The following SH2D3C variants were observed in gnomAD, a reference collection of about 807,000 sequenced individuals.
The protein encoded by SH2D3C is SH2 domain-containing protein 3C.
Under a neutral mutation model 75.2 loss-of-function variants are expected in SH2D3C, and 25 were observed. That is an observed-to-expected ratio of 0.33 (90% CI 0.24 to 0.46). The LOEUF is 0.46. Ranked by LOEUF, SH2D3C falls within the 20% of genes least tolerant of loss-of-function variation. SH2D3C has a pLI of 1.00. For missense variants in SH2D3C, 933 were observed against 1,165.3 expected, an observed-to-expected ratio of 0.80 and a Z score of 2.90; for synonymous variants, 450 against 473.7, an observed-to-expected ratio of 0.95 and a Z score of 0.65.
At chr9:127,750,140 TTTATTATTATTA>T in intron 4 of SH2D3C, among the ~76,000 whole-genome samples, 1 of 150,432 alleles carries the variant, frequency 6.6e-6, no homozygotes, top group South Asian at 2.1e-4. Flanking sequence ...GATGAACTTC[TTTATTATTATTA>T]TTATTGTTAT....
chr9:127,752,648 T>C (rs1041247679), intron 3 of SH2D3C, among the ~76,000 whole-genome samples: 4 of 152,220 alleles, frequency 2.6e-5, no homozygotes, highest in Middle Eastern at 3.4e-3. Flanking sequence ...ACTGCCTGGG[T>C]TTAGCCTAGT....
In SH2D3C at chr9:127,751,208, G is replaced by A; in HGVS notation, c.648C>T (p.Arg216=). ...TGCGGCCATGGTACCAGGCATGGCTGCGGAGATCCGTGCTGCTGAGTTTGA... is the reference window on the plus strand; with the variant it reads ...TGCGGCCATGGTACCAGGCATGGCTACGGAGATCCGTGCTGCTGAGTTTGA... ...EELKLSSTDL[R]SHAWYHGRIP... is the part of the protein sequence containing the mutation. The change falls in exon 4 of 12, where the codon CGC becomes CGT. Residue 216 remains arginine, a synonymous_variant. Transcript: ENST00000314830. This position sits in a 1 kb window ranked among gnomAD's most constrained non-coding sequence, Gnocchi z 4.1. 6.2e-7 allele frequency: 1 copy of A among 1,614,144 alleles called. No individual in the cohort carries two copies. The highest frequency in any genetic ancestry group is 8.5e-7 in the Non-Finnish European group (1 of 1,179,998).
At chr9:127,766,819 C>T in intron 2 of SH2D3C, 1 of 1,012,180 alleles carries the variant, frequency 9.9e-7, no homozygotes, top group Non-Finnish European at 1.4e-6. Flanking sequence ...ATCCACCTGC[C>T]TTGGCCTCCC....
chr9:127,771,251 G>C, intron 2 of SH2D3C: 4 of 1,542,340 alleles, frequency 2.6e-6, no homozygotes, highest in Non-Finnish European at 3.5e-6. Flanking sequence ...TGTCGCCGCC[G>C]GCAACCCGGG....
chr9:127,745,832 G>A (rs1023622542), intron 6 of SH2D3C, among the ~76,000 whole-genome samples: 4 of 152,278 alleles, frequency 2.6e-5, no homozygotes, highest in African/African-American at 9.6e-5. Context: ...AACCTTGTGT[G>A]CTAGGAGCTG....
At chr9:127,771,082 T>A in intron 2 of SH2D3C, 1 of 908,492 alleles carries the variant, frequency 1.1e-6, no homozygotes, top group South Asian at 1.9e-5. Flanking sequence ...TCCCTGATGC[T>A]AACCCCGCCC....
At chr9:127,748,069 T>C (rs1269048319) in intron 5 of SH2D3C, among the ~76,000 whole-genome samples, 1 of 152,156 alleles carries the variant, frequency 6.6e-6, no homozygotes, top group Non-Finnish European at 1.5e-5. Flanking sequence ...TTGTGCAAAT[T>C]AGTCAACTAC....
chr9:127,771,379 T>C (rs1845736723), intron 2 of SH2D3C: 1 of 1,328,638 alleles, frequency 7.5e-7, no homozygotes, highest in South Asian at 1.9e-5. Flanking sequence ...GCCCCTGCGC[T>C]CCTTGCCCGG....
chr9:127,745,157 C>G (rs1588495172), intron 6 of SH2D3C, 58 bp from the exon 7 acceptor site: 2 of 1,384,418 alleles, frequency 1.4e-6, no homozygotes, highest in East Asian at 4.8e-5. Context: ...AAGTGAGATT[C>G]CCGCACCCCT....
Position 127,778,616 on chromosome 9 carries a change from C to T in SH2D3C, c.12G>A (p.Gly4=). The T allele has an allele frequency of 1.2e-6, 2 of 1,613,918 alleles. No homozygotes were observed. The highest frequency in any genetic ancestry group is 1.7e-6 in the Non-Finnish European group (2 of 1,179,780). ...TGAACTTTTTGCTGGTCTTCTTGGT[C>T]CCCTCTGTCATCTTGGCAAATTGTG... is the stretch of plus-strand genomic sequence containing the variant. MTE[G]TKKTSKKFKF... Residue 4 remains glycine (G), a synonymous_variant, in exon 1 of 12, where the codon GGG becomes GGA. Coordinates refer to ENST00000314830, the MANE Select transcript of SH2D3C (RefSeq NM_170600.3).
At chr9:127,758,296 A>G (rs1247854060) in intron 3 of SH2D3C, among the ~76,000 whole-genome samples, 1 of 152,186 alleles carries the variant, frequency 6.6e-6, no homozygotes, top group African/African-American at 2.4e-5. Context: ...TTGAAACTAA[A>G]ATTAACATTC....
intron 5 of SH2D3C, among the ~76,000 whole-genome samples, chr9:127,748,909 G>A (rs1030933623): frequency 1.3e-5 from 2 of 152,188 alleles, no homozygotes; most frequent in Non-Finnish European, 2.9e-5. Flanking sequence ...CTGGGGTAGG[G>A]AGGGCTGCTT....
At chr9:127,762,638 T>C (rs562023210) in intron 2 of SH2D3C, among the ~76,000 whole-genome samples, 37 of 152,252 alleles carry the variant, frequency 2.4e-4, no homozygotes, top group Non-Finnish European at 4.6e-4. Context: ...GTCCACCCCG[T>C]CCCCAAAGTG....
Position 127,751,217 on chromosome 9 carries a change from C to T in SH2D3C, c.639G>A (p.Thr213=), listed in dbSNP as rs138483056. ...GGTACCAGGCATGGCTGCGGAGATC[C>T]GTGCTGCTGAGTTTGAGCTCCTCCT... ...ELEEELKLSS[T]DLRSHAWYHG... The change falls in exon 4 of 12, where the codon ACG becomes ACA. Residue 213 remains threonine, a synonymous_variant. Transcript: ENST00000314830. The surrounding 1 kb of genome is among the most constrained non-coding windows in gnomAD (Gnocchi z 4.1). 12 of 1,614,068 alleles carry T rather than the reference C, an allele frequency of 7.4e-6. No individual in the cohort carries two copies. The African/African-American group carries it at 9.3e-5, about 13-fold the overall frequency.
Position 127,742,211 on chromosome 9 carries a change from TTTTTG to T in SH2D3C, c.1917-257_1917-253del, listed in dbSNP as rs1361044419. Among the ~76,000 whole-genome samples the T allele has an allele frequency of 3.3e-5, 5 of 150,518 alleles. No individual in the cohort carries two copies. In the South Asian group the frequency reaches 8.9e-4, roughly 27 times the overall value. On this transcript the variant is annotated intron_variant, in intron 8 of 11. Coordinates refer to ENST00000314830, the MANE Select transcript of SH2D3C (RefSeq NM_170600.3). Reference sequence around the variant, plus strand: ...AGGGAAATGCATCACGCAGAGTAGTTTTTTGTTTTGTTTTTGTTTGTTTGTTTGTT... The same window carrying T: ...AGGGAAATGCATCACGCAGAGTAGTTTTTTGTTTTTGTTTGTTTGTTTGTT...
At position 127,744,943 on chromosome 9, in the gene SH2D3C, G is replaced by C; in HGVS notation, c.1421C>G (p.Thr474Ser). Residue 474 changes from threonine to serine, a missense_variant, in exon 7 of 12, where the codon ACC (threonine) becomes AGC (serine). Physicochemically the swap from Thr to Ser is moderately conservative, Grantham distance 58. Coordinates refer to ENST00000314830, the MANE Select transcript of SH2D3C (RefSeq NM_170600.3). The part of the protein sequence containing the change: ...DKGPHTSPSH[T>S]LGKASPSPSL... ...TGGTGACGGGGAGGCCTTGCCAAGG[G>C]TGTGGGAGGGGCTGGTGTGGGGGCC... 1.3e-6 allele frequency: 2 copies of C among 1,579,584 alleles called. No homozygotes were observed. Among genetic ancestry groups the C allele is most frequent in the Non-Finnish European group, 1.7e-6 (2 of 1,160,420 alleles).
intron 8 of SH2D3C, 42 bp downstream of exon 8, chr9:127,742,807 C>T (rs1177321968): frequency 1.3e-6 from 2 of 1,504,826 alleles, no homozygotes; most frequent in Admixed American, 1.8e-5. Context: ...GTGCGGTAGC[C>T]GGGGGTTCCC....
intron 3 of SH2D3C, among the ~76,000 whole-genome samples, chr9:127,753,055 AG>A (rs1564416977): frequency 1.3e-5 from 2 of 150,556 alleles, no homozygotes; most frequent in African/African-American, 2.5e-5. Flanking sequence ...AAGGGGAGGG[AG>A]GGGAGATGAA....
At chr9:127,762,528 GC>G (rs1845553770) in intron 2 of SH2D3C, 2 of 436,872 alleles carry the variant, frequency 4.6e-6, no homozygotes, top group Non-Finnish European at 9.3e-6. Context: ...TGCAGCTTTG[GC>G]CAAAAACCCT....
Sources: gnomAD v4.1 joint callset for allele counts (sites outside exome capture counted in the v4.1 genomes callset) on GRCh38, gnomAD v4.1.1 for gene constraint, Gnocchi (gnomAD v3.1) non-coding constraint, MANE v1.5 for transcripts, NCBI Gene and HGNC (gene_info 2026-07-23, HGNC 2026-07-21) for gene names.